The following CNBD1 variants were observed in gnomAD, a reference collection of about 807,000 sequenced individuals.
The protein encoded by CNBD1 is cyclic nucleotide binding domain containing 1, also known as cyclic nucleotide-binding domain-containing protein 1.
CNBD1 carries 71 observed loss-of-function variants against 54.4 expected under a neutral mutation model. The ratio of observed to expected loss-of-function variants is 1.30; its 90% CI spans 1.08 to 1.59. The LOEUF (loss-of-function observed/expected upper bound fraction) is 1.59, where lower values mean the gene tolerates loss of function less well. Among genes scored for constraint, CNBD1 ranks in the 40% most tolerant of loss-of-function variants. CNBD1 has a pLI of 0.00. For missense variants in CNBD1, 659 were observed against 518.0 expected, an observed-to-expected ratio of 1.27 and a Z score of -2.64; for synonymous variants, 182 against 170.7, an observed-to-expected ratio of 1.07 and a Z score of -0.51.
At chr8:86,878,080 C>CTG (rs145093111) in intron 1 of CNBD1, among the ~76,000 whole-genome samples, 2,314 of 135,850 alleles carry the variant, frequency 0.017, 30 homozygotes, top group African/African-American at 0.026. Context: ...TTCATCAAAG[C>CTG]TGTGTGTGTG....
chr8:87,357,830 G>T (rs747850277), intron 10 of CNBD1, among the ~76,000 whole-genome samples: 9 of 152,146 alleles, frequency 5.9e-5, no homozygotes, highest in Non-Finnish European at 8.8e-5. Flanking sequence ...CCAAATCTCA[G>T]GTTGAAGGGT....
intron 4 of CNBD1, among the ~76,000 whole-genome samples, chr8:87,111,501 G>C (rs1456072718): frequency 6.6e-6 from 1 of 152,122 alleles, no homozygotes; most frequent in Non-Finnish European, 1.5e-5. Flanking sequence ...AGATGGACTT[G>C]GGGAGTCACT....
At chr8:87,044,390 T>C (rs1294942989) in intron 4 of CNBD1, 1 of 152,144 alleles carries the variant, frequency 6.6e-6, no homozygotes, top group Non-Finnish European at 1.5e-5. Context: ...TCATTGGTCA[T>C]GTTTTCTGGG....
chr8:87,006,917 C>A (rs1809111917), intron 4 of CNBD1, among the ~76,000 whole-genome samples: 1 of 152,218 alleles, frequency 6.6e-6, no homozygotes, highest in Non-Finnish European at 1.5e-5. Flanking sequence ...TTCTTATTGG[C>A]CGGGTGCCGC....
At chr8:87,119,976 C>T (rs907069632) in intron 4 of CNBD1, among the ~76,000 whole-genome samples, 1 of 151,844 alleles carries the variant, frequency 6.6e-6, no homozygotes, top group African/African-American at 2.4e-5. Flanking sequence ...TAGTGGTTTG[C>T]TGGTATTTTG....
intron 6 of CNBD1, among the ~76,000 whole-genome samples, chr8:87,268,153 G>T (rs866609018): frequency 1.3e-5 from 2 of 151,974 alleles, no homozygotes; most frequent in South Asian, 2.1e-4. Context: ...CCATATTTGT[G>T]TCCATGTGTA....
intron 4 of CNBD1, among the ~76,000 whole-genome samples, chr8:87,039,185 A>G (rs751314330): frequency 2.5e-4 from 38 of 152,350 alleles, no homozygotes; most frequent in Non-Finnish European, 4.9e-4. Flanking sequence ...GGAGGAGTGA[A>G]CATAACACAT....
chr8:87,229,770 A>G (rs963649626), intron 5 of CNBD1, among the ~76,000 whole-genome samples: 11 of 152,126 alleles, frequency 7.2e-5, no homozygotes, highest in African/African-American at 2.7e-4. Context: ...CTCACTCTGC[A>G]TATATGTCTG....
intron 4 of CNBD1, among the ~76,000 whole-genome samples, chr8:87,139,906 T>C (rs1203031376): frequency 1.3e-5 from 2 of 152,180 alleles, no homozygotes; most frequent in African/African-American, 4.8e-5. Context: ...CTTGATGCTA[T>C]CTACCTTTAT....
At chr8:86,969,348 T>C (rs745728520) in intron 4 of CNBD1, among the ~76,000 whole-genome samples, 5 of 152,172 alleles carry the variant, frequency 3.3e-5, no homozygotes, top group African/African-American at 1.2e-4. Context: ...ATTTGTAAAC[T>C]TTTCTATTCT....
At chr8:86,937,215 C>A (rs1357995948) in intron 3 of CNBD1, among the ~76,000 whole-genome samples, 1 of 152,070 alleles carries the variant, frequency 6.6e-6, no homozygotes, top group Non-Finnish European at 1.5e-5. Context: ...TTTATAAAAC[C>A]ATCAGATCTC....
intron 4 of CNBD1, among the ~76,000 whole-genome samples, chr8:87,004,674 G>GA (rs939831435): frequency 4.6e-5 from 7 of 152,190 alleles, no homozygotes; most frequent in African/African-American, 1.7e-4. Context: ...GCACAGGATA[G>GA]ATACGCTATC....
At chr8:87,045,808 G>A (rs868094248) in intron 4 of CNBD1, among the ~76,000 whole-genome samples, 1 of 150,570 alleles carries the variant, frequency 6.6e-6, no homozygotes, top group African/African-American at 2.5e-5. Flanking sequence ...TTAGGAGTCC[G>A]ACGTGGGCAG....
intron 10 of CNBD1, among the ~76,000 whole-genome samples, chr8:87,363,886 T>C (rs926277635): frequency 2.1e-4 from 32 of 152,254 alleles, no homozygotes; most frequent in Admixed American, 5.2e-4. Flanking sequence ...ATTTTGGCTT[T>C]TGTTGTCATT....
chr8:86,936,346 C>G (rs1809547807), intron 3 of CNBD1, among the ~76,000 whole-genome samples: 1 of 152,082 alleles, frequency 6.6e-6, no homozygotes, highest in Non-Finnish European at 1.5e-5. Context: ...ACATTAGATA[C>G]AGAAATATTA....
At chr8:87,268,526 A>G (rs1048376262) in intron 6 of CNBD1, among the ~76,000 whole-genome samples, 1 of 152,112 alleles carries the variant, frequency 6.6e-6, no homozygotes, top group East Asian at 1.9e-4. Flanking sequence ...AGGAATCCCT[A>G]CACTGCTCAC....
At chr8:86,956,164 G>T (rs1296465720) in intron 4 of CNBD1, among the ~76,000 whole-genome samples, 1 of 151,888 alleles carries the variant, frequency 6.6e-6, no homozygotes, top group Non-Finnish European at 1.5e-5. Flanking sequence ...TATTTCTGAG[G>T]GCTCTGTTCT....
intron 8 of CNBD1, among the ~76,000 whole-genome samples, chr8:87,331,175 C>T (rs374569432): frequency 6.6e-5 from 10 of 152,112 alleles, no homozygotes; most frequent in African/African-American, 1.4e-4. Flanking sequence ...ATTTTAAGTC[C>T]GACATGCATT....
At chr8:87,427,725 A>T (rs1808073829) in intron 2 of CNBD1, among the ~76,000 whole-genome samples, 1 of 152,200 alleles carries the variant, frequency 6.6e-6, no homozygotes, top group African/African-American at 2.4e-5. Flanking sequence ...AAGAATAAAC[A>T]AACTCTTCAT....
Sources: gnomAD v4.1 joint callset for allele counts (sites outside exome capture counted in the v4.1 genomes callset) on GRCh38, gnomAD v4.1.1 for gene constraint, MANE v1.5 for transcripts, NCBI Gene and HGNC (gene_info 2026-07-23, HGNC 2026-07-21) for gene names.